The following RIOK1 variants were observed in gnomAD, a reference collection of about 807,000 sequenced individuals.
The protein encoded by RIOK1 is serine/threonine-protein kinase RIO1.
In RIOK1, 66 loss-of-function variants were observed where a neutral mutation model predicts 73.5. That is an observed-to-expected ratio of 0.90 (90% confidence interval 0.74 to 1.10). The LOEUF is 1.10. Among genes scored for constraint, RIOK1 ranks in the 50% least tolerant of loss-of-function variants. The pLI, the probability that RIOK1 is intolerant of heterozygous loss-of-function variation, is 0.00. For synonymous variants in RIOK1, 224 were observed against 226.8 expected, an observed-to-expected ratio of 0.99 and a Z score of 0.11; for missense variants, 658 against 699.8, an observed-to-expected ratio of 0.94 and a Z score of 0.67.
Position 7,393,097 on chromosome 6 carries a change from A to G in RIOK1, c.72-2A>G. The G allele has an allele frequency of 6.2e-7, 1 of 1,610,974 alleles. No homozygotes were observed. The highest frequency in any genetic ancestry group is 8.5e-7 in the Non-Finnish European group (1 of 1,177,358). On this transcript the variant is annotated splice_acceptor_variant, in intron 1 of 16. Coordinates refer to ENST00000379834, the MANE Select transcript of RIOK1 (RefSeq NM_031480.3). LOFTEE classifies it high-confidence loss of function. ...GAAATAATAAAACATTGTTATTTCT[A>G]GTGAAAACAGAGACTTGAAGACAGT...
chr6:7,410,870 A>G (rs1449804962), intron 13 of RIOK1, among the ~76,000 whole-genome samples: 1 of 152,238 alleles, frequency 6.6e-6, no homozygotes, highest in African/African-American at 2.4e-5. Context: ...GGCTTTTAAA[A>G]AAAATTCTCA....
rs370423027 is a variant in RIOK1 at position 7,410,461 on chromosome 6, A to G, written c.1269+10A>G. ...TCATGTGGATGAAGAGGTAGGATTTATTATCTATTCACAGCCTTTGGAAAC... is the reference window on the plus strand; with the variant it reads ...TCATGTGGATGAAGAGGTAGGATTTGTTATCTATTCACAGCCTTTGGAAAC... On this transcript the variant is annotated intron_variant, in intron 13 of 16. Coordinates refer to ENST00000379834, the MANE Select transcript of RIOK1 (RefSeq NM_031480.3). 27 of 1,591,278 alleles carry G rather than the reference A, an allele frequency of 1.7e-5. No individual in the cohort carries two copies. The highest frequency in any genetic ancestry group is 2.1e-5 in the Non-Finnish European group (24 of 1,160,562).
At chr6:7,416,099 T>A (rs1761993708) in intron 16 of RIOK1, among the ~76,000 whole-genome samples, 1 of 152,212 alleles carries the variant, frequency 6.6e-6, no homozygotes, top group African/African-American at 2.4e-5. Flanking sequence ...ATAGAGACAC[T>A]GCTGACTGAG....
chr6:7,394,679 T>A (rs1377778208), intron 2 of RIOK1, among the ~76,000 whole-genome samples: 3 of 152,232 alleles, frequency 2.0e-5, no homozygotes, highest in Admixed American at 6.5e-5. Context: ...AATGAAATTC[T>A]GAACCAGCTT....
chr6:7,398,764 C>A (rs778945381), intron 5 of RIOK1, 24 bp downstream of exon 5: 3 of 1,583,492 alleles, frequency 1.9e-6, no homozygotes, highest in Non-Finnish European at 2.6e-6. Context: ...GTGTTGCAAA[C>A]TCTTCTTTTT....
intron 2 of RIOK1, among the ~76,000 whole-genome samples, chr6:7,393,610 G>A (rs11243162): frequency 0.44 from 66,986 of 152,070 alleles, 17,162 homozygotes; most frequent in Middle Eastern, 0.59. Flanking sequence ...TGGTAAAAAA[G>A]TTCAGCCTCA....
At chr6:7,402,580 C>CTT in intron 6 of RIOK1, 23 bp from the exon 7 acceptor site, 19 of 1,314,866 alleles carry the variant, frequency 1.4e-5, no homozygotes, top group East Asian at 2.7e-5. Flanking sequence ...ACTTCATTTT[C>CTT]TTTTTTTTTT....
intron 14 of RIOK1, 99 bp from the exon 15 acceptor site, chr6:7,412,790 C>G: frequency 2.1e-6 from 1 of 482,912 alleles, no homozygotes; most frequent in Non-Finnish European, 3.6e-6. Flanking sequence ...TCATAGGAGA[C>G]ATTATTTAAC....
intron 12 of RIOK1, among the ~76,000 whole-genome samples, chr6:7,407,258 T>C (rs1172961901): frequency 6.6e-6 from 1 of 152,196 alleles, no homozygotes; most frequent in African/African-American, 2.4e-5. Flanking sequence ...CCACCAACAA[T>C]GCACAAGGGT....
intron 13 of RIOK1, 123 bp downstream of exon 13, chr6:7,410,574 ATTT>A (rs572622146): frequency 6.2e-6 from 4 of 643,178 alleles, no homozygotes; most frequent in Non-Finnish European, 1.1e-5. Flanking sequence ...TGATGGTAAT[ATTT>A]CCTTAAGATA....
Position 7,389,835 on chromosome 6 carries a change from T to TG in RIOK1, c.-166dup. On this transcript the variant is annotated 5_prime_UTR_variant, in exon 1 of 17. Transcript: ENST00000379834. ...GCTTCCGGTTGGGGTGGCAGGGTGG[T>TG]GGATCTGTCGGTCCCGTTTTCCCGT... 1.6e-6 allele frequency: 1 copy of TG among 612,088 alleles called. No individual in the cohort carries two copies. Among genetic ancestry groups the TG allele is most frequent in the Non-Finnish European group, 2.9e-6 (1 of 339,554 alleles). The allele number at this position is 612,088 out of a possible 1,614,324, so 37.9% of individuals were successfully genotyped here.
At chr6:7,392,516 CTT>C (rs762450615) in intron 1 of RIOK1, among the ~76,000 whole-genome samples, 1 of 139,816 alleles carries the variant, frequency 7.2e-6, no homozygotes. Flanking sequence ...TGTCAGAAAG[CTT>C]TTTTTTTTTT....
Position 7,417,594 on chromosome 6 carries a change from G to C in RIOK1, c.*153G>C. ...GATTCAAATGTTTTCATGTAACTATGTAAAAAGCTCTAAGCTCTAGAGTCT... is the reference window on the plus strand; with the variant it reads ...GATTCAAATGTTTTCATGTAACTATCTAAAAAGCTCTAAGCTCTAGAGTCT... On this transcript the variant is annotated 3_prime_UTR_variant, in exon 17 of 17. Coordinates refer to ENST00000379834, the MANE Select transcript of RIOK1 (RefSeq NM_031480.3). The C allele has an allele frequency of 2.0e-6, 1 of 490,224 alleles. No homozygotes were observed. The highest frequency in any genetic ancestry group is 3.3e-5 in the East Asian group (1 of 30,238). The allele number at this position is 490,224 out of a possible 1,614,324, so 30.4% of individuals were successfully genotyped here.
chr6:7,411,560 G>T, intron 14 of RIOK1, 109 bp downstream of exon 14: 1 of 1,166,130 alleles, frequency 8.6e-7, no homozygotes, highest in Non-Finnish European at 1.2e-6. Flanking sequence ...ATTGGCTTCT[G>T]AGCTAGTGAA....
chr6:7,405,724 T>A (rs1174498905), intron 12 of RIOK1, among the ~76,000 whole-genome samples: 1 of 151,930 alleles, frequency 6.6e-6, no homozygotes, highest in Non-Finnish European at 1.5e-5. Context: ...TCCTTCCTAC[T>A]TAACAGATGA....
chr6:7,411,529 T>TA lies in RIOK1; in HGVS notation c.1389+80dup, dbSNP rs566144581. The TA allele has an allele frequency of 1.8e-3, 2,699 of 1,464,398 alleles. 10 individuals are homozygous for TA. Among genetic ancestry groups the TA allele is most frequent in the Middle Eastern group, 4.0e-3 (23 of 5,716 alleles). The allele number at this position is 1,464,398 out of a possible 1,614,324, so 90.7% of individuals were successfully genotyped here. A position where few individuals can be genotyped will look rare whatever the true frequency, so the allele number is the denominator to read the frequency against. ...CTGTCCCAAACCTATCTGGGCCTTT[T>TA]AAGTTCCCCTAATCTTGAATATTGG... is the stretch of plus-strand genomic sequence containing the variant. On this transcript the variant is annotated intron_variant, in intron 14 of 16. Coordinates refer to ENST00000379834, the MANE Select transcript of RIOK1 (RefSeq NM_031480.3).
At chr6:7,397,775 T>C (rs1761508668) in intron 4 of RIOK1, among the ~76,000 whole-genome samples, 1 of 152,256 alleles carries the variant, frequency 6.6e-6, no homozygotes, top group African/African-American at 2.4e-5. Context: ...GTTAGTGTGC[T>C]AGGTGGAGTC....
chr6:7,390,761 C>A (rs1309958766), intron 1 of RIOK1, among the ~76,000 whole-genome samples: 2 of 152,162 alleles, frequency 1.3e-5, no homozygotes, highest in African/African-American at 4.8e-5. Context: ...TCATGGAGAC[C>A]TTTACAAGTG....
intron 8 of RIOK1, among the ~76,000 whole-genome samples, 178 bp from the exon 9 acceptor site, chr6:7,403,763 G>A (rs898669947): frequency 9.9e-5 from 15 of 151,730 alleles, no homozygotes; most frequent in Admixed American, 3.9e-4. Context: ...TATCATTCTC[G>A]GTGGTACATA....
Sources: gnomAD v4.1 joint callset for allele counts (sites outside exome capture counted in the v4.1 genomes callset) on GRCh38, gnomAD v4.1.1 for gene constraint, MANE v1.5 for transcripts, NCBI Gene and HGNC (gene_info 2026-07-23, HGNC 2026-07-21) for gene names.